Variants in NXPH2 observed in about 807,000 individuals in gnomAD.
The protein encoded by NXPH2 is neurexophilin 2.
Under a neutral mutation model 19.8 loss-of-function variants are expected in NXPH2, and 5 were observed. That is an observed-to-expected ratio of 0.25 (90% CI 0.13 to 0.53). The LOEUF (loss-of-function observed/expected upper bound fraction) is 0.53. NXPH2 is among the 20% of genes least tolerant of loss of function. NXPH2 has a pLI of 0.96. For missense variants in NXPH2, 289 were observed against 322.8 expected (o/e 0.90, Z 0.80); for synonymous variants, 154 against 127.4 (o/e 1.21, Z -1.41).
chr2:138,752,683 C>T (rs537707866), intron 1 of NXPH2, among the ~76,000 whole-genome samples: 2 of 152,024 alleles, frequency 1.3e-5, no homozygotes, highest in African/African-American at 4.8e-5. Flanking sequence ...TTTCCTGTTC[C>T]GGGATCCCAT....
intron 1 of NXPH2, among the ~76,000 whole-genome samples, chr2:138,715,782 C>G (rs1681188060): frequency 6.6e-6 from 1 of 152,190 alleles, no homozygotes; most frequent in African/African-American, 2.4e-5. Flanking sequence ...ATCTCCATTT[C>G]TTTTCCTTCC....
intron 1 of NXPH2, among the ~76,000 whole-genome samples, chr2:138,702,273 T>A (rs868395122): frequency 6.6e-6 from 1 of 152,032 alleles, no homozygotes; most frequent in African/African-American, 2.4e-5. Context: ...CACAGCACCA[T>A]CCCTAGCTAA....
chr2:138,718,416 C>T (rs1482349042), intron 1 of NXPH2, among the ~76,000 whole-genome samples: 2 of 151,876 alleles, frequency 1.3e-5, no homozygotes, highest in Non-Finnish European at 2.9e-5. Flanking sequence ...CAAACAAAAC[C>T]CTCTCTGGGA....
chr2:138,754,312 A>G (rs549938988), intron 1 of NXPH2, among the ~76,000 whole-genome samples: 1 of 152,318 alleles, frequency 6.6e-6, no homozygotes, highest in Admixed American at 6.5e-5. Context: ...TCACCAGACT[A>G]AAATACAGCC....
chr2:138,745,350 C>T (rs1418866079), intron 1 of NXPH2, among the ~76,000 whole-genome samples: 2 of 152,148 alleles, frequency 1.3e-5, no homozygotes, highest in Non-Finnish European at 2.9e-5. Context: ...ACTTGCCTAC[C>T]TTCTCTCAAA....
At chr2:138,748,181 G>A (rs568750483) in intron 1 of NXPH2, among the ~76,000 whole-genome samples, 2 of 152,212 alleles carry the variant, frequency 1.3e-5, no homozygotes, top group African/African-American at 2.4e-5. Context: ...CATGTGTCAC[G>A]AAGGAAAAAG....
chr2:138,733,065 C>G lies in NXPH2; in HGVS notation c.51+47126G>C, dbSNP rs1470439916. On this transcript the variant is annotated intron_variant, in intron 1 of 1. Coordinates refer to ENST00000272641, the MANE Select transcript of NXPH2 (RefSeq NM_007226.3). ...AATCCTTCAAATGCCTTATATAGCT[C>G]TTTGTTTCTGAACACTTGAGAAAAG... 2.6e-5 allele frequency among the ~76,000 whole-genome samples: 4 copies of G among 152,160 alleles called. 1 individual carries two copies. Among genetic ancestry groups the G allele is most frequent in the Non-Finnish European group, 5.9e-5 (4 of 68,032 alleles).
chr2:138,774,331 A>T (rs896102791), intron 1 of NXPH2, among the ~76,000 whole-genome samples: 2 of 152,058 alleles, frequency 1.3e-5, no homozygotes, highest in African/African-American at 4.8e-5. Context: ...GTTTTACTAA[A>T]TTTTCCTTTT....
At chr2:138,707,807 G>T (rs1681040767) in intron 1 of NXPH2, among the ~76,000 whole-genome samples, 1 of 152,016 alleles carries the variant, frequency 6.6e-6, no homozygotes, top group Non-Finnish European at 1.5e-5. Flanking sequence ...CTTCTCTGTG[G>T]ATTTGGCCCA....
chr2:138,671,572 G>A lies in NXPH2; in HGVS notation c.145C>T (p.His49Tyr). 1 of 1,613,674 alleles carries A rather than the reference G, an allele frequency of 6.2e-7. No homozygotes were observed. Among genetic ancestry groups the A allele is most frequent in the Non-Finnish European group, 8.5e-7 (1 of 1,179,750 alleles). ...CGCAGGGGACTGATGATCCTTGAGT[G>A]CACCACGTTGCCGACCAACGTCCCT... is the stretch of plus-strand genomic sequence containing the variant. ...APGTLVGNVV[H>Y]SRIISPLRLF... is the part of the protein sequence containing the mutation. The change falls in exon 2 of 2, where the codon CAC becomes TAC. Residue 49 changes from histidine (H) to tyrosine (Y), a missense_variant. By Grantham distance (83) the His-to-Tyr change is moderately conservative (BLOSUM62 2). Transcript: ENST00000272641.
rs892035334 is a variant in NXPH2 at position 138,686,599 on chromosome 2, C to T, written c.52-14934G>A. On this transcript the variant is annotated intron_variant, in intron 1 of 1. Transcript: ENST00000272641. ...TAAGTTCTAGGGTACATGTGCACAACGTGCAAGTTTGTTACATATGTATAC... is the reference window on the plus strand; with the variant it reads ...TAAGTTCTAGGGTACATGTGCACAATGTGCAAGTTTGTTACATATGTATAC... 1.8e-4 allele frequency among the ~76,000 whole-genome samples: 27 copies of T among 152,048 alleles called. 1 individual carries two copies. The highest frequency in any genetic ancestry group is 9.2e-4 in the Admixed American group (14 of 15,248).
chr2:138,708,373 T>C (rs1681048247), intron 1 of NXPH2, among the ~76,000 whole-genome samples: 2 of 152,232 alleles, frequency 1.3e-5, no homozygotes, highest in Admixed American at 1.3e-4. Flanking sequence ...TGGCACTATT[T>C]TGTACATCAG....
intron 1 of NXPH2, among the ~76,000 whole-genome samples, chr2:138,685,073 A>G (rs1428267452): frequency 6.6e-6 from 1 of 152,180 alleles, no homozygotes; most frequent in Non-Finnish European, 1.5e-5. Flanking sequence ...TCTCCAGACC[A>G]ATCAGTTGAT....
chr2:138,765,709 A>C (rs1682079547), intron 1 of NXPH2, among the ~76,000 whole-genome samples: 1 of 152,206 alleles, frequency 6.6e-6, no homozygotes, highest in South Asian at 2.1e-4. Context: ...ACACTGAATC[A>C]AATTTTACAC....
intron 1 of NXPH2, among the ~76,000 whole-genome samples, chr2:138,682,528 A>G (rs187767358): frequency 4.2e-4 from 64 of 152,346 alleles, no homozygotes; most frequent in Admixed American, 2.5e-3. Context: ...ATAATGTGGC[A>G]TTGTTCCAAA....
At chr2:138,676,211 G>A (rs1168100750) in intron 1 of NXPH2, among the ~76,000 whole-genome samples, 2 of 152,136 alleles carry the variant, frequency 1.3e-5, no homozygotes, top group African/African-American at 2.4e-5. Context: ...AGAATATAAT[G>A]TAAAGGGCAA....
chr2:138,770,136 G>C (rs1682154836), intron 1 of NXPH2, among the ~76,000 whole-genome samples: 1 of 152,028 alleles, frequency 6.6e-6, no homozygotes, highest in Admixed American at 6.6e-5. Context: ...AAAACAAAAA[G>C]GCCCAAATGG....
intron 1 of NXPH2, among the ~76,000 whole-genome samples, chr2:138,676,707 T>C (rs1356184820): frequency 6.6e-6 from 1 of 152,162 alleles, no homozygotes; most frequent in Non-Finnish European, 1.5e-5. Context: ...TCTTCCATGG[T>C]CCAATGGATA....
At chr2:138,770,268 A>G (rs183916215) in intron 1 of NXPH2, among the ~76,000 whole-genome samples, 1 of 152,170 alleles carries the variant, frequency 6.6e-6, no homozygotes, top group Admixed American at 6.5e-5. Flanking sequence ...TAATCTTTAT[A>G]CAAAAATCTG....
Sources: allele counts gnomAD v4.1 joint callset (sites outside exome capture counted in the v4.1 genomes callset), GRCh38; gene constraint gnomAD v4.1.1; transcripts MANE v1.5; gene names NCBI Gene and HGNC (gene_info 2026-07-23, HGNC 2026-07-21).